The following TULP4 variants were observed in gnomAD, a reference collection of about 807,000 sequenced individuals.
TULP4 encodes the protein TUB like protein 4, also known as tubby-related protein 4.
A neutral mutation model predicts 129.0 loss-of-function variants in TULP4; 16 were observed. That is an observed-to-expected ratio of 0.12 (90% CI 0.08 to 0.19). The LOEUF (loss-of-function observed/expected upper bound fraction) is 0.19, where lower values mean the gene tolerates loss of function less well. Among genes scored for constraint, TULP4 ranks in the 10% least tolerant of loss-of-function variants. The pLI is 1.00. For missense variants in TULP4, 1,842 were observed against 2,059.1 expected (o/e 0.89, Z 2.04); for synonymous variants, 998 against 854.0 (o/e 1.17, Z -2.94).
upstream of TULP4, among the ~76,000 whole-genome samples, chr6:158,308,345 A>C (rs1236337994): frequency 6.6e-6 from 1 of 151,974 alleles, no homozygotes; most frequent in African/African-American, 2.4e-5. Context: ...CAGGATCCCA[A>C]GGCCAAAGAA....
At chr6:158,301,025 A>G (rs1240473044) in intron 1 of TULP4, among the ~76,000 whole-genome samples, 1 of 152,210 alleles carries the variant, frequency 6.6e-6, no homozygotes, top group Non-Finnish European at 1.5e-5. Flanking sequence ...GAGATCTAAT[A>G]TGTGTAATAT....
At chr6:158,268,042 T>C (rs1176148302) in intron 1 of TULP4, among the ~76,000 whole-genome samples, 1 of 147,258 alleles carries the variant, frequency 6.8e-6, no homozygotes, top group African/African-American at 2.5e-5. Flanking sequence ...TTTCTTTTTT[T>C]TTTTTTTTTT....
At chr6:158,233,733 A>G (rs1049417534) in intron 1 of TULP4, among the ~76,000 whole-genome samples, 1 of 152,222 alleles carries the variant, frequency 6.6e-6, no homozygotes, top group African/African-American at 2.4e-5. Context: ...GAAGTCCTTG[A>G]TAGGTAACTG....
At chr6:158,432,734 G>A (rs975814626) in intron 3 of TULP4, among the ~76,000 whole-genome samples, 1 of 152,206 alleles carries the variant, frequency 6.6e-6, no homozygotes, top group Non-Finnish European at 1.5e-5. Context: ...AGTGGCATGT[G>A]CCTGTATTGT....
Position 158,413,078 on chromosome 6 carries a change from G to A in TULP4, c.266G>A (p.Arg89Lys). The A allele has an allele frequency of 6.2e-7, 1 of 1,612,728 alleles. No homozygotes were observed. The highest frequency in any genetic ancestry group is 8.5e-7 in the Non-Finnish European group (1 of 1,178,992). The change falls in exon 2 of 14, where the codon AGG becomes AAG. Residue 89 changes from arginine to lysine, a missense_variant. Coordinates refer to ENST00000367097, the MANE Select transcript of TULP4 (RefSeq NM_020245.5). The surrounding 1 kb of genome is among the most constrained non-coding windows in gnomAD (Gnocchi z 4.9). The stretch of plus-strand genomic sequence containing the variant: ...GTGGTTTTCTAGGTTGTGCTGGTGA[G>A]GTGGAATGAGCCCTACCAGAAACTG... ...RGHNSEVVLV[R>K]WNEPYQKLAT...
intron 1 of TULP4, among the ~76,000 whole-genome samples, chr6:158,255,785 G>A (rs9356548): frequency 0.33 from 49,994 of 152,068 alleles, 9,212 homozygotes; most frequent in Admixed American, 0.45. Context: ...TTAAGTTAGG[G>A]TTATCTGTTA....
intron 1 of TULP4, among the ~76,000 whole-genome samples, chr6:158,384,730 A>G (rs1777402679): frequency 6.6e-6 from 1 of 152,184 alleles, no homozygotes; most frequent in African/African-American, 2.4e-5. Flanking sequence ...AGGCATGAGG[A>G]GTGACTCCGT....
rs765575688 is a variant in TULP4, at chr6:158,498,626, C to G, written c.1871-43C>G. 3.7e-6 allele frequency: 6 copies of G among 1,613,046 alleles called. No homozygotes were observed. The African/African-American group carries it at 8.0e-5, about 22-fold the overall frequency. On this transcript the variant is annotated intron_variant, in intron 11 of 13. Transcript: ENST00000367097. ...ACTCTCTTGACACTTTGGCTCTGCT[C>G]TGGTGTGTCTCTGTTAACTGTGCCC... is the stretch of plus-strand genomic sequence containing the variant.
intron 1 of TULP4, among the ~76,000 whole-genome samples, chr6:158,384,781 A>G (rs1012166387): frequency 3.9e-5 from 6 of 152,174 alleles, no homozygotes; most frequent in African/African-American, 1.2e-4. Context: ...CCTTGCTGGT[A>G]ACAGCTGAAA....
intron 1 of TULP4, among the ~76,000 whole-genome samples, chr6:158,261,191 G>A (rs1778346770): frequency 6.6e-6 from 1 of 152,174 alleles, no homozygotes; most frequent in Non-Finnish European, 1.5e-5. Context: ...ATATTGTTGT[G>A]CAGTAAGGTA....
intron 3 of TULP4, among the ~76,000 whole-genome samples, chr6:158,442,594 C>G (rs945297681): frequency 2.0e-5 from 3 of 152,128 alleles, no homozygotes; most frequent in Non-Finnish European, 2.9e-5. Context: ...TGCCTTACTT[C>G]AAAGAGCCGA....
At chr6:158,341,220 A>G (rs1403794686) in intron 1 of TULP4, among the ~76,000 whole-genome samples, 1 of 152,108 alleles carries the variant, frequency 6.6e-6, no homozygotes, top group African/African-American at 2.4e-5. Context: ...TATTTCATTT[A>G]ACATAATGTC....
chr6:158,237,479 A>AGGT, intron 1 of TULP4: 3 of 1,535,122 alleles, frequency 2.0e-6, no homozygotes, highest in East Asian at 4.5e-5. Context: ...GGTCTTGGGG[A>AGGT]GGTGGGTGGG....
At chr6:158,283,370 CG>C (rs1778790324) in intron 1 of TULP4, among the ~76,000 whole-genome samples, 1 of 152,138 alleles carries the variant, frequency 6.6e-6, no homozygotes, top group Non-Finnish European at 1.5e-5. Flanking sequence ...ATAAATGTTT[CG>C]AAGCCCCTGG....
upstream of TULP4, among the ~76,000 whole-genome samples, chr6:158,308,879 G>A (rs1242988451): frequency 1.4e-5 from 2 of 140,710 alleles, no homozygotes; most frequent in Admixed American, 6.9e-5. Flanking sequence ...CTGGCCGGGT[G>A]GGGGGCTGAC....
chr6:158,415,365 T>TTTA (rs1376816664), intron 2 of TULP4, among the ~76,000 whole-genome samples: 2 of 150,676 alleles, frequency 1.3e-5, no homozygotes, highest in Non-Finnish European at 3.0e-5. Context: ...TTTTTTTTTT[T>TTTA]TTGAGACGGA....
intron 11 of TULP4, among the ~76,000 whole-genome samples, chr6:158,495,314 A>T (rs951243201): frequency 6.6e-6 from 1 of 152,074 alleles, no homozygotes; most frequent in Non-Finnish European, 1.5e-5. Flanking sequence ...CAACCTTCCA[A>T]AGTGCTGGGA....
At chr6:158,265,304 AT>A (rs1430612305) in intron 1 of TULP4, among the ~76,000 whole-genome samples, 2 of 151,848 alleles carry the variant, frequency 1.3e-5, no homozygotes, top group African/African-American at 2.4e-5. Context: ...AATAAATTTT[AT>A]TTTATGACAA....
intron 1 of TULP4, among the ~76,000 whole-genome samples, chr6:158,359,534 ATGGAGGCT>A (rs1414161476): frequency 4.6e-5 from 7 of 152,250 alleles, no homozygotes; most frequent in African/African-American, 1.2e-4. Flanking sequence ...CGGGAGAAAG[ATGGAGGCT>A]TGGAGGCTAA....
Sources: gnomAD v4.1 joint callset for allele counts (sites outside exome capture counted in the v4.1 genomes callset) on GRCh38, gnomAD v4.1.1 for gene constraint, Gnocchi (gnomAD v3.1) non-coding constraint, MANE v1.5 for transcripts, NCBI Gene and HGNC (gene_info 2026-07-23, HGNC 2026-07-21) for gene names.